The following DNAH7 variants were observed in gnomAD, a reference collection of about 807,000 sequenced individuals.
DNAH7 encodes dynein axonemal heavy chain 7.
DNAH7 carries 397 observed loss-of-function variants against 444.6 expected under a neutral mutation model. That is an observed-to-expected ratio of 0.89 (90% confidence interval 0.82 to 0.97). The LOEUF is 0.97. Among genes scored for constraint, DNAH7 ranks in the 50% least tolerant of loss-of-function variants. The probability of loss-of-function intolerance (pLI) is 0.00; values close to 1 mark genes in which losing one functional copy is unlikely to be tolerated. For missense variants in DNAH7, 4,902 were observed against 4,800.8 expected (o/e 1.02, Z -0.62); for synonymous variants, 1,636 against 1,624.4 (o/e 1.01, Z -0.17).
chr2:196,009,937 T>C (rs1694626555), intron 10 of DNAH7, among the ~76,000 whole-genome samples: 1 of 152,094 alleles, frequency 6.6e-6, no homozygotes, highest in Admixed American at 6.5e-5. Context: ...ATCACGGAAA[T>C]GCAAATCAAA....
rs532941691 is a variant in DNAH7, at chr2:195,983,109, C to T, written c.1833+1523G>A. Among the ~76,000 whole-genome samples, 4 of 151,884 alleles carry T rather than the reference C, an allele frequency of 2.6e-5. No homozygotes were observed. In the South Asian group the frequency reaches 8.3e-4, roughly 32 times the overall value. On this transcript the variant is annotated intron_variant, in intron 15 of 64. Coordinates refer to ENST00000312428, the MANE Select transcript of DNAH7 (RefSeq NM_018897.3). ...TATTCCCCATAAATATATGCACCTG[C>T]TATGTACCCATGAAAATTAAAAACA...
Position 196,009,898 on chromosome 2 carries a change from T to C in DNAH7, c.989+2889A>G, listed in dbSNP as rs144067349. On this transcript the variant is annotated intron_variant, in intron 10 of 64. Coordinates refer to ENST00000312428, the MANE Select transcript of DNAH7 (RefSeq NM_018897.3). Reference sequence around the variant, plus strand: ...ATAAAATGTACAAATAGCCAACAGGTATATGAAGAATGCCCAACATTCCTA... The same window carrying C: ...ATAAAATGTACAAATAGCCAACAGGCATATGAAGAATGCCCAACATTCCTA... Among the ~76,000 whole-genome samples the C allele has an allele frequency of 1.2e-4, 18 of 152,168 alleles. No individual in the cohort carries two copies. The South Asian group carries it at 3.7e-3, about 32-fold the overall frequency.
chr2:195,942,639 G>T (rs902714004), intron 19 of DNAH7, among the ~76,000 whole-genome samples: 9 of 151,964 alleles, frequency 5.9e-5, no homozygotes, highest in Non-Finnish European at 1.2e-4. Context: ...TTCTTCCCTG[G>T]ACACTGAGAT....
At chr2:195,850,988 G>A (rs1173249652) in intron 46 of DNAH7, among the ~76,000 whole-genome samples, 3 of 152,186 alleles carry the variant, frequency 2.0e-5, no homozygotes, top group Non-Finnish European at 4.4e-5. Context: ...GCTCAAGAGG[G>A]AAGTACATTC....
intron 47 of DNAH7, among the ~76,000 whole-genome samples, chr2:195,843,819 A>G (rs1348684595): frequency 1.3e-5 from 2 of 152,302 alleles, no homozygotes; most frequent in South Asian, 2.1e-4. Context: ...TGTAGAGGCC[A>G]GGCGCAGTGG....
chr2:195,897,939 TTGTG>T (rs1004500825), intron 28 of DNAH7, among the ~76,000 whole-genome samples, 174 bp from the exon 29 acceptor site: 2 of 151,570 alleles, frequency 1.3e-5, no homozygotes, highest in African/African-American at 2.4e-5. Context: ...TTTAAACTTG[TTGTG>T]TTTTTTTTTA....
intron 5 of DNAH7, among the ~76,000 whole-genome samples, chr2:196,039,447 G>C (rs1696593076): frequency 6.6e-6 from 1 of 152,006 alleles, no homozygotes; most frequent in Non-Finnish European, 1.5e-5. Flanking sequence ...AGAAAAGCAA[G>C]AACAAATCAA....
intron 16 of DNAH7, among the ~76,000 whole-genome samples, chr2:195,971,815 G>A (rs1040966650): frequency 3.3e-5 from 5 of 152,052 alleles, no homozygotes; most frequent in Admixed American, 1.3e-4. Context: ...TTAGAGTGAC[G>A]ATTCTGGGCA....
At chr2:195,869,070 T>C (rs559624401) in intron 40 of DNAH7, among the ~76,000 whole-genome samples, 1 of 152,084 alleles carries the variant, frequency 6.6e-6, no homozygotes, top group Non-Finnish European at 1.5e-5. Flanking sequence ...AAATTTTGCC[T>C]CACAGACTAT....
intron 8 of DNAH7, among the ~76,000 whole-genome samples, chr2:196,019,924 C>A (rs1695267071): frequency 6.6e-6 from 1 of 151,818 alleles, no homozygotes; most frequent in Admixed American, 6.6e-5. Flanking sequence ...CACAGCAAGA[C>A]CAATCTCCCT....
Position 195,864,385 on chromosome 2 carries a change from G to T in DNAH7, c.7270C>A (p.Leu2424Ile), listed in dbSNP as rs752428261. The change falls in exon 41 of 65, where the codon CTC becomes ATC. Residue 2424 changes from leucine (L) to isoleucine (I), a missense_variant. Transcript: ENST00000312428. Reference sequence around the variant, plus strand: ...TCTTGCTTCTCATCTAATGCAAAGAGATTTGGAATCTCCCCAGCATTTAGC... The same window carrying T: ...TCTTGCTTCTCATCTAATGCAAAGATATTTGGAATCTCCCCAGCATTTAGC... ...NLLNAGEIPN[L>I]FALDEKQEIC... is the part of the protein sequence containing the mutation. The T allele has an allele frequency of 6.2e-7, 1 of 1,614,036 alleles. No homozygotes were observed. The highest frequency in any genetic ancestry group is 1.3e-5 in the African/African-American group (1 of 74,930).
intron 63 of DNAH7, among the ~76,000 whole-genome samples, chr2:195,750,261 C>T (rs1447635828): frequency 2.0e-5 from 3 of 152,146 alleles, no homozygotes; most frequent in Admixed American, 6.5e-5. Flanking sequence ...ATATCAACTA[C>T]CCTGTACAAT....
At chr2:195,890,023 T>C (rs1676298035) in intron 31 of DNAH7, among the ~76,000 whole-genome samples, 1 of 152,238 alleles carries the variant, frequency 6.6e-6, no homozygotes, top group South Asian at 2.1e-4. Context: ...CAGATCCTTA[T>C]AATTCAACCT....
chr2:195,988,023 T>C lies in DNAH7; in HGVS notation c.1560A>G (p.Glu520=). ...ATTTGCAAATTTCATCTATTATTTTTTCATAACTATGATTTTCTGCGAGGA... is the reference window on the plus strand; with the variant it reads ...ATTTGCAAATTTCATCTATTATTTTCTCATAACTATGATTTTCTGCGAGGA... ...DNFLAENHSY[E]KIIDEICKYQ... Residue 520 remains glutamate, a synonymous_variant, in exon 13 of 65, where the codon GAA becomes GAG. Coordinates refer to ENST00000312428, the MANE Select transcript of DNAH7 (RefSeq NM_018897.3). The C allele has an allele frequency of 6.2e-7, 1 of 1,613,340 alleles. No individual in the cohort carries two copies. Among genetic ancestry groups the C allele is most frequent in the East Asian group, 2.2e-5 (1 of 44,816 alleles).
At chr2:195,987,232 TAAAAC>T (rs1559305788) in intron 13 of DNAH7, 39 bp from the exon 14 acceptor site, 9 of 1,431,108 alleles carry the variant, frequency 6.3e-6, no homozygotes, top group South Asian at 1.5e-5. Context: ...TAAGAAGAAA[TAAAAC>T]AAATAAATTT....
intron 57 of DNAH7, among the ~76,000 whole-genome samples, chr2:195,791,579 C>T (rs1218949236): frequency 6.6e-6 from 1 of 152,142 alleles, no homozygotes; most frequent in Non-Finnish European, 1.5e-5. Flanking sequence ...GAAGATAAAA[C>T]ATTCTACTCA....
intron 4 of DNAH7, 76 bp downstream of exon 4, chr2:196,048,220 C>T (rs1697252427): frequency 7.7e-7 from 1 of 1,307,128 alleles, no homozygotes; most frequent in Non-Finnish European, 1.1e-6. Flanking sequence ...ACTTCTATTA[C>T]ACTATTAACT....
At chr2:195,881,699 A>T in intron 36 of DNAH7, 96 bp downstream of exon 36, 1 of 1,302,144 alleles carries the variant, frequency 7.7e-7, no homozygotes, top group Non-Finnish European at 1.1e-6. Flanking sequence ...ACATCAAAGT[A>T]CTTGAGTATT....
At chr2:196,024,314 C>T (rs1416897765) in intron 8 of DNAH7, 115 bp downstream of exon 8, 4 of 652,680 alleles carry the variant, frequency 6.1e-6, no homozygotes, top group Non-Finnish European at 9.6e-6. Context: ...TACATACACA[C>T]ATATACATTT....
Sources: gnomAD v4.1 joint callset for allele counts (sites outside exome capture counted in the v4.1 genomes callset) on GRCh38, gnomAD v4.1.1 for gene constraint, MANE v1.5 for transcripts, NCBI Gene and HGNC (gene_info 2026-07-23, HGNC 2026-07-21) for gene names.